The following PDE8B variants were observed in gnomAD, a reference collection of about 807,000 sequenced individuals.
The protein encoded by PDE8B is high affinity cAMP-specific and IBMX-insensitive 3',5'-cyclic phosphodiesterase 8B.
PDE8B carries 26 observed loss-of-function variants against 101.3 expected under a neutral mutation model. The ratio of observed to expected loss-of-function variants is 0.26; its 90% CI spans 0.19 to 0.36. PDE8B has a LOEUF of 0.36. PDE8B is among the 10% of genes least tolerant of loss of function. PDE8B has a pLI of 1.00. For missense variants in PDE8B, 810 were observed against 1,163.1 expected (o/e 0.70, Z 4.42); for synonymous variants, 424 against 429.3 (o/e 0.99, Z 0.15).
intron 10 of PDE8B, among the ~76,000 whole-genome samples, chr5:77,384,048 C>T (rs571994716): frequency 3.3e-4 from 50 of 152,280 alleles, no homozygotes; most frequent in Admixed American, 5.2e-4. Flanking sequence ...ATGGGAATAG[C>T]ATTGAATCTC....
intron 10 of PDE8B, among the ~76,000 whole-genome samples, chr5:77,361,755 C>T (rs1783148570): frequency 1.3e-5 from 2 of 152,060 alleles, no homozygotes; most frequent in African/African-American, 4.8e-5. Flanking sequence ...ACCTTGTGAT[C>T]CACCCGCCTC....
chr5:77,278,302 G>A (rs2149825226), intron 1 of PDE8B, among the ~76,000 whole-genome samples: 1 of 152,216 alleles, frequency 6.6e-6, no homozygotes, highest in East Asian at 1.9e-4. Flanking sequence ...GTAATACTAA[G>A]TTGTCATTAC....
chr5:77,355,027 G>T (rs918129195), intron 10 of PDE8B, among the ~76,000 whole-genome samples: 7 of 152,214 alleles, frequency 4.6e-5, no homozygotes, highest in African/African-American at 1.4e-4. Flanking sequence ...TGCCCACACT[G>T]CCTGGCATGT....
chr5:77,241,686 C>T (rs1755792317), intron 1 of PDE8B, among the ~76,000 whole-genome samples: 1 of 152,202 alleles, frequency 6.6e-6, no homozygotes, highest in Admixed American at 6.5e-5. Flanking sequence ...GCCACCATTC[C>T]TCCCTCTCTC....
At chr5:77,132,810 G>A in the PDE8B span, among the ~76,000 whole-genome samples, 1 of 152,280 alleles carries the variant, frequency 6.6e-6, no homozygotes, top group South Asian at 2.1e-4. Context: ...TCTAAGGAAA[G>A]GTCTATGGGA....
At chr5:77,147,365 A>G in the PDE8B span, 1 of 160,084 alleles carries the variant, frequency 6.2e-6, no homozygotes, top group African/African-American at 2.4e-5. Context: ...AATGGGCACT[A>G]ACCTTGCCTG....
chr5:77,359,774 C>T (rs888738266), intron 10 of PDE8B, among the ~76,000 whole-genome samples: 1 of 151,980 alleles, frequency 6.6e-6, no homozygotes, highest in East Asian at 1.9e-4. Context: ...GAGGCCTAAA[C>T]ATAGAGAAAA....
At chr5:77,118,298 A>ATTG in the PDE8B span, 19 of 397,862 alleles carry the variant, frequency 4.8e-5, no homozygotes, top group East Asian at 1.8e-4. Context: ...TTTAAGTTTT[A>ATTG]TTGTTGTTGT....
chr5:77,250,601 T>C (rs1757876133), intron 1 of PDE8B, among the ~76,000 whole-genome samples: 1 of 152,238 alleles, frequency 6.6e-6, no homozygotes, highest in Non-Finnish European at 1.5e-5. Flanking sequence ...CTTTTCCATG[T>C]GACGATGACT....
intron 10 of PDE8B, among the ~76,000 whole-genome samples, chr5:77,368,803 G>A (rs973305274): frequency 6.6e-6 from 1 of 152,166 alleles, no homozygotes; most frequent in Non-Finnish European, 1.5e-5. Flanking sequence ...GAATAAGACA[G>A]CCCCTGTTCT....
intron 4 of PDE8B, 91 bp downstream of exon 4, chr5:77,329,148 A>G: frequency 1.0e-6 from 1 of 980,596 alleles, no homozygotes; most frequent in Non-Finnish European, 1.6e-6. Context: ...TATCTAAGCA[A>G]TGGGTGTGTC....
chr5:77,328,112 C>T (rs1285591398), intron 3 of PDE8B, among the ~76,000 whole-genome samples: 1 of 152,122 alleles, frequency 6.6e-6, no homozygotes. Context: ...GATCATGGTT[C>T]CCTTCCAAGA....
intron 1 of PDE8B, among the ~76,000 whole-genome samples, chr5:77,282,999 C>G (rs1765320124): frequency 6.6e-6 from 1 of 151,944 alleles, no homozygotes; most frequent in Non-Finnish European, 1.5e-5. Context: ...GGGCCTGCAG[C>G]CAGGAACATT....
intron 2 of PDE8B, among the ~76,000 whole-genome samples, chr5:77,315,384 TTGTTTC>T (rs1773589167): frequency 1.3e-5 from 2 of 152,204 alleles, no homozygotes; most frequent in African/African-American, 4.8e-5. Flanking sequence ...TAATGTCTGA[TTGTTTC>T]CAGCTCCACT....
At chr5:77,342,263 G>A (rs1457742898) in intron 6 of PDE8B, among the ~76,000 whole-genome samples, 3 of 152,092 alleles carry the variant, frequency 2.0e-5, no homozygotes, top group Non-Finnish European at 4.4e-5. Flanking sequence ...CAAGCACTTC[G>A]AGAAATGCCT....
intron 1 of PDE8B, among the ~76,000 whole-genome samples, chr5:77,303,629 C>T (rs1770492661): frequency 1.3e-5 from 2 of 151,992 alleles, no homozygotes; most frequent in Non-Finnish European, 2.9e-5. Flanking sequence ...GTTGAAGCCC[C>T]GGCACTTCTC....
chr5:77,247,721 A>T (rs1173964537), intron 1 of PDE8B, among the ~76,000 whole-genome samples: 1 of 152,104 alleles, frequency 6.6e-6, no homozygotes, highest in Non-Finnish European at 1.5e-5. Context: ...ATCTAGGGCT[A>T]AATGTGTTCC....
At chr5:77,176,995 T>C in the PDE8B span, among the ~76,000 whole-genome samples, 4 of 152,262 alleles carry the variant, frequency 2.6e-5, no homozygotes, top group Non-Finnish European at 4.4e-5. Context: ...TTCCTTCCCT[T>C]TGCTTCAGTT....
At chr5:77,424,439 C>T (rs139113399) in intron 20 of PDE8B, among the ~76,000 whole-genome samples, 16 of 152,306 alleles carry the variant, frequency 1.1e-4, no homozygotes, top group South Asian at 2.1e-4. Context: ...CCAGGAAATG[C>T]GGATCCTAAT....
Sources: gnomAD v4.1 joint callset for allele counts (sites outside exome capture counted in the v4.1 genomes callset) on GRCh38, gnomAD v4.1.1 for gene constraint, MANE v1.5 for transcripts, NCBI Gene and HGNC (gene_info 2026-07-23, HGNC 2026-07-21) for gene names.